SUPT3H: variants seen among roughly 807,000 people sequenced by gnomAD.
SUPT3H encodes SPT3 homolog, SAGA and STAGA complex component.
A neutral mutation model predicts 44.3 loss-of-function variants in SUPT3H; 44 were observed. That is an observed-to-expected ratio of 0.99 (90% CI 0.78 to 1.28). SUPT3H has a LOEUF of 1.28. SUPT3H is among the 50% of genes most tolerant of loss of function. SUPT3H has a pLI of 0.00. For synonymous variants in SUPT3H, 124 were observed against 125.6 expected, an observed-to-expected ratio of 0.99 and a Z score of 0.09; for missense variants, 380 against 387.1, an observed-to-expected ratio of 0.98 and a Z score of 0.15.
At chr6:45,005,438 C>T (rs551156361) in intron 5 of SUPT3H, among the ~76,000 whole-genome samples, 1 of 152,066 alleles carries the variant, frequency 6.6e-6, no homozygotes, top group South Asian at 2.1e-4. Context: ...GCATCTTTTG[C>T]CACTAAAAAA....
At chr6:44,949,296 G>A (rs528486913) in intron 9 of SUPT3H, among the ~76,000 whole-genome samples, 4 of 152,114 alleles carry the variant, frequency 2.6e-5, no homozygotes, top group South Asian at 2.1e-4. Context: ...TGTAAATGAC[G>A]AGTTAATGGG....
At chr6:45,022,090 A>C (rs937888618) in intron 3 of SUPT3H, among the ~76,000 whole-genome samples, 1 of 152,052 alleles carries the variant, frequency 6.6e-6, no homozygotes, top group African/African-American at 2.4e-5. Context: ...AAATACAGGC[A>C]ATCAGTGTTG....
intron 2 of SUPT3H, among the ~76,000 whole-genome samples, chr6:45,149,976 A>G (rs574629494): frequency 6.6e-6 from 1 of 150,642 alleles, no homozygotes; most frequent in Non-Finnish European, 1.5e-5. Flanking sequence ...TTTTTAAAAA[A>G]GGTCCAGGCT....
intron 2 of SUPT3H, among the ~76,000 whole-genome samples, chr6:45,230,684 A>ATTTTTTT (rs1363543780): frequency 2.0e-5 from 2 of 101,070 alleles, no homozygotes; most frequent in African/African-American, 8.0e-5. Context: ...ATATATATAT[A>ATTTTTTT]TATTTTTGAG....
chr6:45,271,467 C>G lies in SUPT3H; in HGVS notation c.101+93734G>C, dbSNP rs549363964. On this transcript the variant is annotated intron_variant, in intron 2 of 10. Coordinates refer to ENST00000371459, the MANE Select transcript of SUPT3H (RefSeq NM_003599.4). ...GCTGTGGCTTTAGAGGGTGGAAGCCCCAAGTCTTGGCAGCTTCCACGTGGT... is the reference window on the plus strand; with the variant it reads ...GCTGTGGCTTTAGAGGGTGGAAGCCGCAAGTCTTGGCAGCTTCCACGTGGT... Among the ~76,000 whole-genome samples the G allele has an allele frequency of 2.6e-5, 4 of 152,242 alleles. No homozygotes were observed. In the East Asian group the frequency reaches 5.8e-4, roughly 22 times the overall value.
intron 2 of SUPT3H, among the ~76,000 whole-genome samples, chr6:45,331,497 T>C (rs925993156): frequency 1.3e-5 from 2 of 151,836 alleles, no homozygotes; most frequent in African/African-American, 4.8e-5. Context: ...ATTCCAAAAC[T>C]AGGGAGCAGA....
chr6:45,243,064 T>C (rs926497426), intron 2 of SUPT3H, among the ~76,000 whole-genome samples: 1 of 151,806 alleles, frequency 6.6e-6, no homozygotes, highest in Non-Finnish European at 1.5e-5. Context: ...CATGGTGGTG[T>C]GCACCTGTAA....
chr6:45,086,578 T>C (rs541888138), intron 3 of SUPT3H, among the ~76,000 whole-genome samples: 9 of 151,994 alleles, frequency 5.9e-5, no homozygotes, highest in Admixed American at 2.0e-4. Context: ...GAAGTACTTA[T>C]GTACATAACA....
chr6:45,359,044 A>C (rs1219643497), intron 2 of SUPT3H, among the ~76,000 whole-genome samples: 32 of 152,130 alleles, frequency 2.1e-4, no homozygotes, highest in Admixed American at 2.1e-3. Flanking sequence ...GAATTTCAAG[A>C]ATTCATTTCT....
intron 2 of SUPT3H, among the ~76,000 whole-genome samples, chr6:45,348,674 C>CAAAAAA (rs574845659): frequency 1.3e-5 from 1 of 76,028 alleles, no homozygotes; most frequent in African/African-American, 6.1e-5. Flanking sequence ...AACTCCAACT[C>CAAAAAA]AAAAAAAAAA....
intron 11 of SUPT3H, among the ~76,000 whole-genome samples, chr6:44,810,594 C>A (rs1766442405): frequency 1.8e-5 from 1 of 54,280 alleles, no homozygotes; most frequent in Non-Finnish European, 3.6e-5. Flanking sequence ...ACTTAATAGC[C>A]TTTTACTAAA....
intron 10 of SUPT3H, among the ~76,000 whole-genome samples, chr6:44,922,622 GTAAA>G (rs1242322881): frequency 6.6e-6 from 1 of 152,008 alleles, no homozygotes; most frequent in Non-Finnish European, 1.5e-5. Flanking sequence ...TCTGGCAATA[GTAAA>G]TAAATAATCT....
intron 2 of SUPT3H, among the ~76,000 whole-genome samples, chr6:45,336,794 T>C (rs894797284): frequency 6.6e-6 from 1 of 151,508 alleles, no homozygotes; most frequent in Non-Finnish European, 1.5e-5. Flanking sequence ...TCATTAATAA[T>C]ACATGTAACT....
intron 3 of SUPT3H, among the ~76,000 whole-genome samples, chr6:45,023,274 AC>A (rs1785443600): frequency 6.6e-6 from 1 of 151,956 alleles, no homozygotes. Context: ...AAAAAAAAAA[AC>A]AAACCAGATG....
intron 10 of SUPT3H, among the ~76,000 whole-genome samples, chr6:44,920,910 T>C (rs946205211): frequency 9.9e-5 from 15 of 152,210 alleles, no homozygotes; most frequent in Non-Finnish European, 5.9e-5. Flanking sequence ...AAAATCACTA[T>C]TCATTCCCTT....
rs571596256 is a variant in SUPT3H, at chr6:45,176,270, G to C, written c.102-70264C>G. Reference sequence around the variant, plus strand: ...AGGCATTGCCTCACCTGGGAAGCGCGAGGGGTCAAGAACTTCCCTTTCCGA... The same window carrying C: ...AGGCATTGCCTCACCTGGGAAGCGCCAGGGGTCAAGAACTTCCCTTTCCGA... On this transcript the variant is annotated intron_variant, in intron 2 of 10. Transcript: ENST00000371459. 1.7e-4 allele frequency among the ~76,000 whole-genome samples: 26 copies of C among 151,852 alleles called. No homozygotes were observed. In the East Asian group the frequency reaches 1.9e-3, roughly 11 times the overall value.
intron 2 of SUPT3H, among the ~76,000 whole-genome samples, chr6:45,276,331 T>C (rs1253691193): frequency 6.6e-6 from 1 of 152,150 alleles, no homozygotes; most frequent in Non-Finnish European, 1.5e-5. Context: ...TTCAAAATTA[T>C]AATATGAAAA....
At chr6:45,359,222 A>T (rs1229473667) in intron 2 of SUPT3H, among the ~76,000 whole-genome samples, 1 of 152,190 alleles carries the variant, frequency 6.6e-6, no homozygotes, top group East Asian at 1.9e-4. Context: ...ACAAGCACTT[A>T]ATTTCACTGG....
chr6:44,975,430 G>A (rs865858341), intron 6 of SUPT3H, among the ~76,000 whole-genome samples: 28 of 152,182 alleles, frequency 1.8e-4, no homozygotes, highest in South Asian at 4.1e-4. Context: ...GGCATCTGCA[G>A]CAAGCTGGAT....
Sources: gnomAD v4.1 joint callset for allele counts (sites outside exome capture counted in the v4.1 genomes callset) on GRCh38, gnomAD v4.1.1 for gene constraint, MANE v1.5 for transcripts, NCBI Gene and HGNC (gene_info 2026-07-23, HGNC 2026-07-21) for gene names.